PPFIA2: variants seen among roughly 807,000 people sequenced by gnomAD.
The protein encoded by PPFIA2 is liprin-alpha-2.
A neutral mutation model predicts 175.5 loss-of-function variants in PPFIA2; 46 were observed. That is an observed-to-expected ratio of 0.26 (90% CI 0.21 to 0.34). PPFIA2 has a LOEUF of 0.34. PPFIA2 is among the 10% of genes least tolerant of loss of function. PPFIA2 has a pLI of 1.00. For missense variants in PPFIA2, 1,179 were observed against 1,506.1 expected (o/e 0.78, Z 3.60); for synonymous variants, 568 against 511.4 (o/e 1.11, Z -1.49).
intron 22 of PPFIA2, among the ~76,000 whole-genome samples, chr12:81,302,433 C>T (rs1835410988): frequency 1.3e-5 from 2 of 152,232 alleles, no homozygotes; most frequent in East Asian, 1.9e-4. Context: ...GCAATCTGGC[C>T]ACTGAAAAAG....
At chr12:81,369,383 A>C in intron 11 of PPFIA2, 189 bp from the exon 12 acceptor site, 5 of 1,438,608 alleles carry the variant, frequency 3.5e-6, no homozygotes, top group Non-Finnish European at 4.6e-6. Flanking sequence ...GGCCTGTTAC[A>C]TCCAAGCATC....
At chr12:81,531,168 T>C (rs563939983) in intron 4 of PPFIA2, among the ~76,000 whole-genome samples, 59 of 152,048 alleles carry the variant, frequency 3.9e-4, no homozygotes, top group Non-Finnish European at 7.2e-4. Context: ...TCCCAGCGAA[T>C]AGAAGCCATG....
rs750516566 is a variant in PPFIA2, at chr12:81,754,159, T to G, written c.63A>C (p.Gln21His). The change falls in exon 3 of 33, where the codon CAA becomes CAC. Residue 21 changes from glutamine (Q) to histidine (H), a missense_variant. Physicochemically the swap from Gln to His is conservative, Grantham distance 24 (BLOSUM62 0). Transcript: ENST00000549396. ...EDTPMSQRGS[Q>H]SSGSDSDSHF... ...GGGAGTCTGAGTCCGAGCCACTGCT[T>G]TGGGACCCCCTTTGGCTCATTGGGG... is the stretch of plus-strand genomic sequence containing the variant. 1 of 1,612,902 alleles carries G rather than the reference T, an allele frequency of 6.2e-7. No homozygotes were observed. The highest frequency in any genetic ancestry group is 1.7e-5 in the Admixed American group (1 of 59,886).
At chr12:81,387,814 G>A (rs1461707542) in intron 8 of PPFIA2, among the ~76,000 whole-genome samples, 2 of 152,124 alleles carry the variant, frequency 1.3e-5, no homozygotes, top group African/African-American at 4.8e-5. Context: ...GCTGCCTAAT[G>A]ATTATAAACT....
At position 81,284,865 on chromosome 12, in the gene PPFIA2, A is replaced by T. The variant is rs115367983; in HGVS notation, c.2926-562T>A. ...CAAAAGATTCCTTTTACTGTGTGTG[A>T]TTCAGTAAATAGTAAGTGTCCCTGA... On this transcript the variant is annotated intron_variant, in intron 24 of 32. Transcript: ENST00000549396. 7.6e-3 allele frequency among the ~76,000 whole-genome samples: 1,155 copies of T among 152,274 alleles called. 18 individuals carry two copies. Among genetic ancestry groups the T allele is most frequent in the African/African-American group, 0.027 (1,106 of 41,560 alleles).
intron 17 of PPFIA2, among the ~76,000 whole-genome samples, chr12:81,348,071 C>A (rs1055638994): frequency 1.3e-5 from 2 of 152,184 alleles, no homozygotes; most frequent in Admixed American, 1.3e-4. Flanking sequence ...AAATCTTGAA[C>A]CTAATTAATT....
chr12:81,707,015 T>C (rs2153609444), intron 3 of PPFIA2, among the ~76,000 whole-genome samples: 1 of 152,042 alleles, frequency 6.6e-6, no homozygotes, highest in African/African-American at 2.4e-5. Flanking sequence ...TATACAAAAA[T>C]CAATTCAAGA....
At chr12:81,293,494 T>A (rs547941718) in intron 24 of PPFIA2, among the ~76,000 whole-genome samples, 4 of 152,006 alleles carry the variant, frequency 2.6e-5, no homozygotes, top group African/African-American at 9.6e-5. Context: ...TAAGAAATAG[T>A]GAGTTACAAA....
chr12:81,315,851 G>T (rs2052221969), intron 22 of PPFIA2, among the ~76,000 whole-genome samples: 1 of 151,438 alleles, frequency 6.6e-6, no homozygotes, highest in Admixed American at 6.6e-5. Context: ...TGAAAGAAAT[G>T]GTTCAGAAGT....
At chr12:81,348,650 C>T (rs762442438) in intron 17 of PPFIA2, among the ~76,000 whole-genome samples, 1 of 152,000 alleles carries the variant, frequency 6.6e-6, no homozygotes, top group Admixed American at 6.6e-5. Context: ...GCAGGAGAAT[C>T]GCTTGAACCC....
intron 22 of PPFIA2, among the ~76,000 whole-genome samples, chr12:81,320,382 C>T (rs759239409): frequency 3.3e-5 from 5 of 152,052 alleles, no homozygotes; most frequent in Admixed American, 6.6e-5. Flanking sequence ...AACTGCTTCT[C>T]GAGAGAGGAT....
intron 14 of PPFIA2, among the ~76,000 whole-genome samples, chr12:81,363,670 G>A (rs1000344783): frequency 2.0e-5 from 3 of 151,422 alleles, no homozygotes; most frequent in African/African-American, 7.3e-5. Context: ...CCTTTGCAAT[G>A]TTTCTCTTTT....
chr12:81,607,335 G>A (rs888059578), intron 4 of PPFIA2, among the ~76,000 whole-genome samples: 7 of 152,098 alleles, frequency 4.6e-5, no homozygotes, highest in African/African-American at 1.7e-4. Context: ...CTAATTCTGT[G>A]AAGAATGACA....
At chr12:81,512,426 A>T in intron 4 of PPFIA2, 3 of 1,054,428 alleles carry the variant, frequency 2.8e-6, no homozygotes, top group South Asian at 3.0e-5. Context: ...CTAAAATGGA[A>T]TTTTTCTTTA....
intron 4 of PPFIA2, among the ~76,000 whole-genome samples, chr12:81,566,344 A>G (rs915425011): frequency 3.7e-4 from 56 of 152,112 alleles, no homozygotes; most frequent in Non-Finnish European, 1.3e-4. Context: ...CAACATGGTA[A>G]AACCCCATCT....
intron 7 of PPFIA2, among the ~76,000 whole-genome samples, chr12:81,411,379 G>C (rs1210671609): frequency 6.6e-6 from 1 of 151,996 alleles, no homozygotes; most frequent in African/African-American, 2.4e-5. Context: ...TGTGTTTTCT[G>C]GTTGCTCATA....
intron 7 of PPFIA2, among the ~76,000 whole-genome samples, chr12:81,413,207 CA>C (rs2044317071): frequency 6.6e-6 from 1 of 151,342 alleles, no homozygotes; most frequent in African/African-American, 2.4e-5. Flanking sequence ...CACTGACTGA[CA>C]AACAGGAGGC....
At chr12:81,636,310 G>A (rs2064023591) in intron 4 of PPFIA2, among the ~76,000 whole-genome samples, 1 of 141,010 alleles carries the variant, frequency 7.1e-6, no homozygotes, top group South Asian at 2.2e-4. Context: ...CTGTCGCCCA[G>A]GCTGGAGTGC....
chr12:81,682,969 A>G (rs1052813051), intron 3 of PPFIA2, among the ~76,000 whole-genome samples: 16 of 152,066 alleles, frequency 1.1e-4, no homozygotes, highest in Admixed American at 1.0e-3. Context: ...GATTTTATTT[A>G]GTACTGTGGC....
Sources: allele counts gnomAD v4.1 joint callset (sites outside exome capture counted in the v4.1 genomes callset), GRCh38; gene constraint gnomAD v4.1.1; transcripts MANE v1.5; gene names NCBI Gene and HGNC (gene_info 2026-07-23, HGNC 2026-07-21).